Variants in TRIM55 observed in about 807,000 individuals in gnomAD.
The protein encoded by TRIM55 is tripartite motif containing 55, also known as tripartite motif-containing protein 55.
In TRIM55, 50 loss-of-function variants were observed where a neutral mutation model predicts 60.9. The observed-to-expected ratio is 0.82, with a 90% CI of 0.65 to 1.04. The LOEUF (loss-of-function observed/expected upper bound fraction) is 1.04, where lower values mean the gene tolerates loss of function less well. Among genes scored for constraint, TRIM55 ranks in the 50% least tolerant of loss-of-function variants. The probability of loss-of-function intolerance (pLI) is 0.00; values close to 1 mark genes in which losing one functional copy is unlikely to be tolerated. For missense variants in TRIM55, 681 were observed against 666.9 expected (o/e 1.02, Z -0.23); for synonymous variants, 237 against 238.1 (o/e 1.00, Z 0.04).
At chr8:66,159,178 T>G (rs1231560774) in intron 9 of TRIM55, among the ~76,000 whole-genome samples, 1 of 152,212 alleles carries the variant, frequency 6.6e-6, no homozygotes, top group Non-Finnish European at 1.5e-5. Flanking sequence ...CTCATGTGTC[T>G]TTACCATTAA....
intron 9 of TRIM55, among the ~76,000 whole-genome samples, chr8:66,166,478 G>GT (rs1811335985): frequency 6.6e-6 from 1 of 152,198 alleles, no homozygotes; most frequent in Admixed American, 6.5e-5. Flanking sequence ...GTGTATCTCA[G>GT]TGATTTTCAT....
intron 9 of TRIM55, chr8:66,155,540 CA>C (rs2128982400): frequency 8.9e-7 from 1 of 1,125,906 alleles, no homozygotes; most frequent in East Asian, 2.4e-5. Context: ...GGGCTCAAGC[CA>C]AAATGAAAAG....
At chr8:66,152,782 C>T (rs1037950036) in intron 8 of TRIM55, among the ~76,000 whole-genome samples, 155 bp downstream of exon 8, 1 of 152,170 alleles carries the variant, frequency 6.6e-6, no homozygotes, top group African/African-American at 2.4e-5. Context: ...GTCCTCATGT[C>T]GGGGAGAAAA....
At chr8:66,156,594 C>G (rs576597853) in intron 9 of TRIM55, among the ~76,000 whole-genome samples, 4 of 152,142 alleles carry the variant, frequency 2.6e-5, no homozygotes, top group Admixed American at 6.5e-5. Flanking sequence ...GTGTAAATGA[C>G]CCTGCTGGGC....
chr8:66,116,563 C>T, the TRIM55 span, among the ~76,000 whole-genome samples: 174 of 108,022 alleles, frequency 1.6e-3, no homozygotes, highest in Non-Finnish European at 2.2e-3. Context: ...GCAGTGATTG[C>T]GCCACTGCAC....
In TRIM55 at chr8:66,154,348, C is replaced by T. The variant is rs376074844; in HGVS notation, c.1524+14C>T. 3.7e-6 allele frequency: 6 copies of T among 1,611,840 alleles called. No homozygotes were observed. Among genetic ancestry groups the T allele is most frequent in the Non-Finnish European group, 5.1e-6 (6 of 1,178,304 alleles). Reference sequence around the variant, plus strand: ...GCTACTTCTCAGGTTAGTGATGATGCACTTGTGTCTATGCTTTCCCGCGCC... The same window carrying T: ...GCTACTTCTCAGGTTAGTGATGATGTACTTGTGTCTATGCTTTCCCGCGCC... On this transcript the variant is annotated intron_variant, in intron 9 of 9. Coordinates refer to ENST00000315962, the MANE Select transcript of TRIM55 (RefSeq NM_184085.2).
chr8:66,172,715 A>G (rs1414870509), intron 9 of TRIM55, among the ~76,000 whole-genome samples: 1 of 152,122 alleles, frequency 6.6e-6, no homozygotes, highest in East Asian at 1.9e-4. Flanking sequence ...AAAACACATT[A>G]CCCAACTTGT....
At chr8:66,114,501 C>G in the TRIM55 span, 1 of 451,118 alleles carries the variant, frequency 2.2e-6, no homozygotes, top group South Asian at 1.6e-5. Context: ...GACAGATTGC[C>G]GTCACATGTA....
intron 9 of TRIM55, among the ~76,000 whole-genome samples, chr8:66,171,199 C>A (rs536349055): frequency 6.6e-6 from 1 of 152,030 alleles, no homozygotes; most frequent in Non-Finnish European, 1.5e-5. Flanking sequence ...GTAAGCCTAG[C>A]GCTCATTAGT....
the TRIM55 span, among the ~76,000 whole-genome samples, chr8:66,114,303 G>T: frequency 2.0e-5 from 3 of 152,170 alleles, no homozygotes; most frequent in South Asian, 6.2e-4. Context: ...TCGATTCTCA[G>T]CCCAAACTAG....
At chr8:66,131,334 C>A (rs1809145188) in intron 2 of TRIM55, among the ~76,000 whole-genome samples, 1 of 152,214 alleles carries the variant, frequency 6.6e-6, no homozygotes, top group African/African-American at 2.4e-5. Flanking sequence ...TACCCACCCC[C>A]AAGCCTCATT....
chr8:66,164,505 G>A (rs1811214346), intron 9 of TRIM55, among the ~76,000 whole-genome samples: 1 of 152,204 alleles, frequency 6.6e-6, no homozygotes, highest in South Asian at 2.1e-4. Flanking sequence ...ATGGACCAGT[G>A]ACTTCCAGCA....
intron 9 of TRIM55, among the ~76,000 whole-genome samples, chr8:66,162,384 G>A (rs568712731): frequency 6.6e-6 from 1 of 152,008 alleles, no homozygotes; most frequent in African/African-American, 2.4e-5. Context: ...TGATCATGGT[G>A]AACTAAATTT....
At chr8:66,119,217 G>A in the TRIM55 span, among the ~76,000 whole-genome samples, 2 of 152,122 alleles carry the variant, frequency 1.3e-5, no homozygotes, top group African/African-American at 4.8e-5. Flanking sequence ...CTCACTTCCA[G>A]TGGGCACAAG....
At chr8:66,161,973 A>C (rs1308058262) in intron 9 of TRIM55, among the ~76,000 whole-genome samples, 2 of 152,112 alleles carry the variant, frequency 1.3e-5, no homozygotes, top group Non-Finnish European at 2.9e-5. Flanking sequence ...AAACAGCAAT[A>C]GTTTGACTTC....
chr8:66,159,922 G>A (rs1421687160), intron 9 of TRIM55, among the ~76,000 whole-genome samples: 1 of 152,094 alleles, frequency 6.6e-6, no homozygotes, highest in Non-Finnish European at 1.5e-5. Context: ...ATGTGTTCTG[G>A]ATAAAACTTC....
At chr8:66,143,295 G>A (rs10099957) in intron 4 of TRIM55, among the ~76,000 whole-genome samples, 27,044 of 152,124 alleles carry the variant, frequency 0.18, 4,146 homozygotes, top group African/African-American at 0.42. Flanking sequence ...GTGCAAGCTA[G>A]TGCTGAGCTT....
At chr8:66,115,176 G>A in the TRIM55 span, 2 of 152,454 alleles carry the variant, frequency 1.3e-5, no homozygotes, top group South Asian at 4.1e-4. Context: ...GAGGAGTACA[G>A]CAAATAAATG....
intron 4 of TRIM55, among the ~76,000 whole-genome samples, chr8:66,142,880 G>A (rs1809898046): frequency 6.6e-6 from 1 of 152,226 alleles, no homozygotes; most frequent in East Asian, 1.9e-4. Flanking sequence ...ACTTCTCCAA[G>A]TGCTTGTAAC....
Sources: gnomAD v4.1 joint callset for allele counts (sites outside exome capture counted in the v4.1 genomes callset) on GRCh38, gnomAD v4.1.1 for gene constraint, MANE v1.5 for transcripts, NCBI Gene and HGNC (gene_info 2026-07-23, HGNC 2026-07-21) for gene names.